The following USP30 variants were observed in gnomAD, a reference collection of about 807,000 sequenced individuals.
The protein encoded by USP30 is ubiquitin carboxyl-terminal hydrolase 30.
Under a neutral mutation model 68.2 loss-of-function variants are expected in USP30, and 41 were observed. The observed-to-expected ratio is 0.60, with a 90% CI of 0.47 to 0.78. USP30 has a LOEUF of 0.78. USP30 is among the 30% of genes least tolerant of loss of function. The pLI is 0.00. For missense variants in USP30, 522 were observed against 649.4 expected (o/e 0.80, Z 2.13); for synonymous variants, 229 against 253.7 (o/e 0.90, Z 0.93).
intron 3 of USP30, among the ~76,000 whole-genome samples, chr12:109,061,001 T>C (rs1482442651): frequency 6.6e-6 from 1 of 152,048 alleles, no homozygotes; most frequent in African/African-American, 2.4e-5. Context: ...ACCAGGCTGG[T>C]CTCAAATTCC....
intron 3 of USP30, among the ~76,000 whole-genome samples, chr12:109,037,177 G>C (rs1247438059): frequency 1.3e-5 from 2 of 151,828 alleles, no homozygotes; most frequent in Admixed American, 1.3e-4. Flanking sequence ...TTGATACTTT[G>C]CTTACCTGTT....
At chr12:109,058,811 A>C (rs1376290164) in intron 3 of USP30, among the ~76,000 whole-genome samples, 1 of 152,218 alleles carries the variant, frequency 6.6e-6, no homozygotes, top group East Asian at 1.9e-4. Context: ...GACCATCATC[A>C]AAGAAGTATA....
chr12:109,086,123 T>C lies in USP30; in HGVS notation c.*192T>C. On this transcript the variant is annotated 3_prime_UTR_variant, in exon 13 of 13. Transcript: ENST00000257548. ...CAGGCTCCCTGAACAGTCCTGTTCA[T>C]GTGTGTAGGTGGTTCTGTTGTGTTA... 4 of 696,942 alleles carry C rather than the reference T, an allele frequency of 5.7e-6. 1 individual carries two copies. The South Asian group carries it at 6.1e-5, about 11-fold the overall frequency. 43.2% of individuals were successfully genotyped at this position (696,942 alleles called of 1,614,324 possible).
intron 3 of USP30, among the ~76,000 whole-genome samples, chr12:109,047,178 T>G (rs1325877571): frequency 1.6e-4 from 25 of 152,174 alleles, no homozygotes; most frequent in Admixed American, 1.6e-3. Flanking sequence ...CATTTTTTTT[T>G]TTTAACCGAG....
chr12:109,072,239 G>T, intron 5 of USP30, 66 bp from the exon 6 acceptor site: 1 of 1,381,946 alleles, frequency 7.2e-7, no homozygotes, highest in Non-Finnish European at 1.0e-6. Context: ...TTTAGGGGTG[G>T]GGTGAGGGTG....
At chr12:109,033,883 CAAG>C (rs1353565735) in intron 3 of USP30, among the ~76,000 whole-genome samples, 4 of 152,102 alleles carry the variant, frequency 2.6e-5, no homozygotes, top group Non-Finnish European at 5.9e-5. Flanking sequence ...CATGAAAATA[CAAG>C]ATGTCTAATC....
At chr12:109,055,394 ATATATATT>A (rs1419918007) in intron 1 of USP30, among the ~76,000 whole-genome samples, 41 of 49,094 alleles carry the variant, frequency 8.4e-4, no homozygotes, top group African/African-American at 2.9e-3. Context: ...ATATATATAT[ATATATATT>A]TTTTTTTTTT....
At chr12:109,058,970 A>G (rs1409527985) in intron 3 of USP30, among the ~76,000 whole-genome samples, 2 of 152,200 alleles carry the variant, frequency 1.3e-5, no homozygotes, top group Non-Finnish European at 2.9e-5. Context: ...GGAACTACAC[A>G]ATAATAGCTT....
At chr12:109,042,942 G>A (rs944861789) in intron 3 of USP30, among the ~76,000 whole-genome samples, 2 of 152,112 alleles carry the variant, frequency 1.3e-5, no homozygotes, top group African/African-American at 4.8e-5. Context: ...AGAATCCATT[G>A]CATTTCTAGA....
At chr12:109,030,740 C>T (rs73413039) in intron 3 of USP30, among the ~76,000 whole-genome samples, 304 of 152,220 alleles carry the variant, frequency 2.0e-3, no homozygotes, top group African/African-American at 7.0e-3. Context: ...CTAAGTCCCC[C>T]GACTAACTGG....
At chr12:109,083,911 A>C (rs2041875590) in intron 11 of USP30, among the ~76,000 whole-genome samples, 1 of 152,132 alleles carries the variant, frequency 6.6e-6, no homozygotes, top group African/African-American at 2.4e-5. Flanking sequence ...TCATCAAGTC[A>C]CTAGATTAAC....
rs773763399 is a variant in USP30, at chr12:109,071,612, G to T, written c.481G>T (p.Asp161Tyr). Residue 161 changes from aspartate to tyrosine, a missense_variant and splice_region_variant, in exon 5 of 13, where the codon GAT becomes TAT. By Grantham distance (160) the Asp-to-Tyr change is radical (BLOSUM62 -3). Coordinates refer to ENST00000257548, the MANE Select transcript of USP30 (RefSeq NM_032663.5). ...RWQISSFEEQ[D>Y]AHELFHVITS... is the part of the protein sequence containing the mutation. ...TAAAGAATGCTTTGCCCTATGACAGGATGCTCACGAATTATTCCATGTCAT... is the reference window on the plus strand; with the variant it reads ...TAAAGAATGCTTTGCCCTATGACAGTATGCTCACGAATTATTCCATGTCAT... The T allele has an allele frequency of 1.2e-6, 2 of 1,613,878 alleles. No individual in the cohort carries two copies. Among genetic ancestry groups the T allele is most frequent in the Non-Finnish European group, 1.7e-6 (2 of 1,179,914 alleles).
chr12:109,038,662 T>G (rs972385374), intron 3 of USP30, among the ~76,000 whole-genome samples: 2 of 152,198 alleles, frequency 1.3e-5, no homozygotes, highest in African/African-American at 4.8e-5. Context: ...ATCATTATGG[T>G]AAGTTTATGT....
At chr12:109,051,070 C>T (rs183926589), upstream of USP30, among the ~76,000 whole-genome samples, 178 of 152,026 alleles carry the variant, frequency 1.2e-3, no homozygotes, top group African/African-American at 4.1e-3. Context: ...CTTTGTTTTT[C>T]GGTAGCCATG....
At chr12:109,059,606 CG>C (rs1169606050) in intron 3 of USP30, among the ~76,000 whole-genome samples, 7 of 152,152 alleles carry the variant, frequency 4.6e-5, no homozygotes, top group Non-Finnish European at 8.8e-5. Flanking sequence ...CTCCGCCTCC[CG>C]GGTTCAAGCG....
chr12:109,062,196 T>C (rs1490345288), intron 3 of USP30, among the ~76,000 whole-genome samples: 3 of 151,978 alleles, frequency 2.0e-5, no homozygotes, highest in African/African-American at 2.4e-5. Context: ...CAGCCTCCCG[T>C]AGTGCTGGGA....
At position 109,082,936 on chromosome 12, in the gene USP30, T is replaced by C. The variant is rs1212719632; in HGVS notation, c.1042T>C (p.Phe348Leu). 1 of 1,614,170 alleles carries C rather than the reference T, an allele frequency of 6.2e-7. No homozygotes were observed. The highest frequency in any genetic ancestry group is 2.2e-5 in the East Asian group (1 of 44,884). Reference protein sequence around the residue: ...KRHEHVQFNEFLMMDIYKYHL... With the variant: ...KRHEHVQFNELLMMDIYKYHL... ...GCATGAGCACGTGCAGTTCAATGAGTTCCTGATGATGGACATTTACAAGTA... is the reference window on the plus strand; with the variant it reads ...GCATGAGCACGTGCAGTTCAATGAGCTCCTGATGATGGACATTTACAAGTA... The change falls in exon 11 of 13, where the codon TTC (phenylalanine) becomes CTC (leucine). Residue 348 changes from phenylalanine (F) to leucine (L), a missense_variant. Coordinates refer to ENST00000257548, the MANE Select transcript of USP30 (RefSeq NM_032663.5).
chr12:109,026,845 G>T (rs1412328145), intron 2 of USP30, among the ~76,000 whole-genome samples: 1 of 152,120 alleles, frequency 6.6e-6, no homozygotes, highest in African/African-American at 2.4e-5. Flanking sequence ...TCTGGTGAGG[G>T]CTCTCTTCCC....
intron 7 of USP30, among the ~76,000 whole-genome samples, chr12:109,079,333 C>CTTTTTTTTTTTTTT (rs2041711530): frequency 2.9e-5 from 1 of 34,576 alleles, no homozygotes; most frequent in Non-Finnish European, 6.7e-5. Flanking sequence ...TTTTTCTTTT[C>CTTTTTTTTTTTTTT]TTTTTCTTTT....
Sources: allele counts gnomAD v4.1 joint callset (sites outside exome capture counted in the v4.1 genomes callset), GRCh38; gene constraint gnomAD v4.1.1; transcripts MANE v1.5; gene names NCBI Gene and HGNC (gene_info 2026-07-23, HGNC 2026-07-21).